BMP7: variants seen among roughly 807,000 people sequenced by gnomAD.
BMP7 encodes osteogenic protein 1.
A neutral mutation model predicts 41.2 loss-of-function variants in BMP7; 12 were observed. The observed-to-expected ratio is 0.29, with a 90% CI of 0.19 to 0.47. The LOEUF (loss-of-function observed/expected upper bound fraction) is 0.47. Ranked by LOEUF, BMP7 falls within the 20% of genes least tolerant of loss-of-function variation. The pLI, the probability that BMP7 is intolerant of heterozygous loss-of-function variation, is 0.99. For synonymous variants in BMP7, 248 were observed against 250.0 expected (o/e 0.99, Z 0.07); for missense variants, 467 against 606.0 (o/e 0.77, Z 2.41).
At chr20:57,176,585 G>T (rs544183748) in intron 4 of BMP7, among the ~76,000 whole-genome samples, 1 of 152,176 alleles carries the variant, frequency 6.6e-6, no homozygotes, top group South Asian at 2.1e-4. Flanking sequence ...CTCTAGCTCT[G>T]GAGTCAAACC....
chr20:57,221,811 CA>C (rs57893562), intron 2 of BMP7, among the ~76,000 whole-genome samples: 137 of 127,606 alleles, frequency 1.1e-3, no homozygotes, highest in East Asian at 8.0e-3. Flanking sequence ...CCCTATCTCT[CA>C]AAAAAAAAAA....
intron 3 of BMP7, among the ~76,000 whole-genome samples, chr20:57,192,636 C>A (rs1984397582): frequency 6.6e-6 from 1 of 151,564 alleles, no homozygotes; most frequent in African/African-American, 2.4e-5. Context: ...GAAGGCAGGA[C>A]CTGCATCATA....
At chr20:57,233,939 C>T (rs999830706) in intron 1 of BMP7, among the ~76,000 whole-genome samples, 11 of 152,170 alleles carry the variant, frequency 7.2e-5, no homozygotes, top group Non-Finnish European at 1.0e-4. Flanking sequence ...GTTACAAACA[C>T]GAGAAAACAG....
chr20:57,232,806 T>G (rs1384712731), intron 1 of BMP7, among the ~76,000 whole-genome samples: 1 of 151,430 alleles, frequency 6.6e-6, no homozygotes, highest in Non-Finnish European at 1.5e-5. Flanking sequence ...TCACATGTTC[T>G]GAAAATAATT....
intron 2 of BMP7, among the ~76,000 whole-genome samples, chr20:57,223,079 A>C (rs1985227297): frequency 6.6e-6 from 1 of 152,050 alleles, no homozygotes; most frequent in South Asian, 2.1e-4. Flanking sequence ...AAAATAAAAA[A>C]ATCAGCCAGG....
intron 3 of BMP7, among the ~76,000 whole-genome samples, chr20:57,191,937 T>C (rs537230914): frequency 4.6e-5 from 6 of 129,804 alleles, no homozygotes; most frequent in Non-Finnish European, 7.8e-5. Context: ...TCTATTATAG[T>C]ATATTATATA....
chr20:57,246,281 C>G (rs1253043350), intron 1 of BMP7, among the ~76,000 whole-genome samples: 1 of 152,242 alleles, frequency 6.6e-6, no homozygotes, highest in East Asian at 1.9e-4. Flanking sequence ...TACTAAGAGG[C>G]ACAATCAATT....
intron 2 of BMP7, among the ~76,000 whole-genome samples, chr20:57,208,076 G>C (rs555368263): frequency 6.6e-6 from 1 of 151,998 alleles, no homozygotes; most frequent in East Asian, 1.9e-4. Context: ...TGATCCACCC[G>C]CCTCGGCCTC....
At chr20:57,196,385 G>T (rs1205626479) in intron 3 of BMP7, among the ~76,000 whole-genome samples, 1 of 152,118 alleles carries the variant, frequency 6.6e-6, no homozygotes, top group Non-Finnish European at 1.5e-5. Flanking sequence ...GTTCCTGGTC[G>T]GACTCCTCCT....
chr20:57,238,894 T>C (rs1281695738), intron 1 of BMP7, among the ~76,000 whole-genome samples: 1 of 152,022 alleles, frequency 6.6e-6, no homozygotes, highest in East Asian at 1.9e-4. Context: ...AGGAAAGACC[T>C]ACCCCCATGA....
chr20:57,237,859 A>T (rs747632983), intron 1 of BMP7, among the ~76,000 whole-genome samples: 20 of 152,292 alleles, frequency 1.3e-4, no homozygotes, highest in Non-Finnish European at 2.2e-4. Context: ...AGAGTAGTTC[A>T]TAGAAGCTCA....
chr20:57,265,692 T>C lies in BMP7; in HGVS notation c.418+13A>G, dbSNP rs2146035812. ...CCGAAAGGAGACGCGTACCCTCGCC[T>C]GCCCTTACTCACCGAGGTTGACGAA... On this transcript the variant is annotated intron_variant, in intron 1 of 6. Coordinates refer to ENST00000395863, the MANE Select transcript of BMP7 (RefSeq NM_001719.3). 6.3e-7 allele frequency: 1 copy of C among 1,595,074 alleles called. No homozygotes were observed. The highest frequency in any genetic ancestry group is 8.5e-7 in the Non-Finnish European group (1 of 1,170,692).
chr20:57,265,010 G>C, intron 1 of BMP7, among the ~76,000 whole-genome samples: 2 of 117,900 alleles, frequency 1.7e-5, no homozygotes, highest in South Asian at 5.0e-4. Flanking sequence ...CAGACTGGGC[G>C]ACAAGAGTGA....
chr20:57,221,448 C>G lies in BMP7; in HGVS notation c.611+6781G>C, dbSNP rs889266098. Among the ~76,000 whole-genome samples the G allele has an allele frequency of 2.0e-5, 3 of 152,196 alleles. No homozygotes were observed. In the East Asian group the frequency reaches 5.8e-4, roughly 29 times the overall value. On this transcript the variant is annotated intron_variant, in intron 2 of 6. Coordinates refer to ENST00000395863, the MANE Select transcript of BMP7 (RefSeq NM_001719.3). ...AGCCAAGGAAGAAAAACATATGCGA[C>G]TGGGGAAAGATGGAAGCTTCTCATC...
rs1984975257 is a variant in BMP7, at chr20:57,214,804, G to C, written c.612-12181C>G. On this transcript the variant is annotated intron_variant, in intron 2 of 6. Coordinates refer to ENST00000395863, the MANE Select transcript of BMP7 (RefSeq NM_001719.3). This position sits in a 1 kb window ranked among gnomAD's most constrained non-coding sequence, Gnocchi z 4.0. Reference sequence around the variant, plus strand: ...TTTGGGTTCTCCTCTTTTCCTGCCAGGTTTTAAGCTTTTTGTCAGCAAGAA... The same window carrying C: ...TTTGGGTTCTCCTCTTTTCCTGCCACGTTTTAAGCTTTTTGTCAGCAAGAA... The C allele has an allele frequency of 6.6e-6, 1 of 152,282 alleles. No homozygotes were observed. The highest frequency in any genetic ancestry group is 6.5e-5 in the Admixed American group (1 of 15,288). 9.4% of individuals were successfully genotyped at this position (152,282 alleles called of 1,614,324 possible).
At chr20:57,230,164 C>T (rs1290359344) in intron 1 of BMP7, among the ~76,000 whole-genome samples, 2 of 152,184 alleles carry the variant, frequency 1.3e-5, no homozygotes, top group East Asian at 1.9e-4. Context: ...TTCCAGATGA[C>T]AGCTCTGCTT....
intron 2 of BMP7, among the ~76,000 whole-genome samples, chr20:57,203,481 A>G (rs1015047983): frequency 2.0e-5 from 3 of 151,204 alleles, no homozygotes; most frequent in East Asian, 1.9e-4. Flanking sequence ...GGGTGGGTGG[A>G]TGGATGGATG....
At chr20:57,196,624 C>A (rs1415888158) in intron 3 of BMP7, among the ~76,000 whole-genome samples, 1 of 152,154 alleles carries the variant, frequency 6.6e-6, no homozygotes, top group Non-Finnish European at 1.5e-5. Context: ...TCATTCACTC[C>A]CCATGCTGGG....
intron 1 of BMP7, among the ~76,000 whole-genome samples, chr20:57,254,017 CTTT>C (rs35180643): frequency 4.2e-5 from 3 of 71,530 alleles, no homozygotes; most frequent in African/African-American, 6.2e-5. Context: ...GGTTTCTTTC[CTTT>C]TTTTTTTTTT....
Sources: allele counts gnomAD v4.1 joint callset (sites outside exome capture counted in the v4.1 genomes callset), GRCh38; gene constraint gnomAD v4.1.1; non-coding constraint Gnocchi (gnomAD v3.1); transcripts MANE v1.5; gene names NCBI Gene and HGNC (gene_info 2026-07-23, HGNC 2026-07-21).